Variants in SLC8A1 observed in about 807,000 individuals in gnomAD.
SLC8A1 encodes sodium/calcium exchanger 1.
A neutral mutation model predicts 68.3 loss-of-function variants in SLC8A1; 18 were observed. That is an observed-to-expected ratio of 0.26 (90% confidence interval 0.18 to 0.39). The LOEUF is 0.39. Among genes scored for constraint, SLC8A1 ranks in the 10% least tolerant of loss-of-function variants. The pLI, the probability that SLC8A1 is intolerant of heterozygous loss-of-function variation, is 1.00. For missense variants in SLC8A1, 985 were observed against 1,156.7 expected (o/e 0.85, Z 2.15); for synonymous variants, 475 against 415.5 (o/e 1.14, Z -1.74).
chr2:40,228,538 G>A (rs531540005), intron 2 of SLC8A1, among the ~76,000 whole-genome samples: 1 of 152,316 alleles, frequency 6.6e-6, no homozygotes, highest in South Asian at 2.1e-4. Flanking sequence ...AAAAAGCCCT[G>A]CTGTGGGACC....
chr2:40,365,475 C>T (rs991756474), intron 2 of SLC8A1, among the ~76,000 whole-genome samples: 17 of 152,036 alleles, frequency 1.1e-4, no homozygotes, highest in Admixed American at 5.9e-4. Context: ...TTTCACTTTT[C>T]ACCTAACAAT....
chr2:40,250,779 G>C (rs982251292), intron 2 of SLC8A1, among the ~76,000 whole-genome samples: 2 of 152,112 alleles, frequency 1.3e-5, no homozygotes, highest in African/African-American at 4.8e-5. Context: ...TGGGGTTTGG[G>C]GAAAGGCAAA....
intron 2 of SLC8A1, among the ~76,000 whole-genome samples, chr2:40,413,393 AC>A (rs1692796797): frequency 1.3e-5 from 2 of 152,204 alleles, no homozygotes; most frequent in African/African-American, 4.8e-5. Context: ...AAAATGTGGC[AC>A]ATATACACCA....
chr2:40,397,244 C>T (rs1350413728), intron 2 of SLC8A1, among the ~76,000 whole-genome samples: 2 of 152,154 alleles, frequency 1.3e-5, no homozygotes, highest in African/African-American at 4.8e-5. Flanking sequence ...CTGTCAGCTG[C>T]TAGTGTATAC....
intron 2 of SLC8A1, among the ~76,000 whole-genome samples, chr2:40,304,911 T>C (rs1004789207): frequency 5.3e-5 from 8 of 152,282 alleles, no homozygotes; most frequent in Admixed American, 3.9e-4. Context: ...TTTGAGAATC[T>C]TCCACCTACC....
intron 1 of SLC8A1, among the ~76,000 whole-genome samples, chr2:40,484,404 C>T (rs1238987522): frequency 6.6e-6 from 1 of 152,166 alleles, no homozygotes. Flanking sequence ...TTGTTTCTAC[C>T]CATGCTCCAA....
At chr2:40,494,239 C>G (rs1705526684) in intron 1 of SLC8A1, among the ~76,000 whole-genome samples, 1 of 152,012 alleles carries the variant, frequency 6.6e-6, no homozygotes, top group African/African-American at 2.4e-5. Flanking sequence ...CTCCTCAATC[C>G]AATAGCTTTT....
At chr2:40,458,004 G>A (rs1164641755) in intron 1 of SLC8A1, among the ~76,000 whole-genome samples, 1 of 152,142 alleles carries the variant, frequency 6.6e-6, no homozygotes, top group African/African-American at 2.4e-5. Flanking sequence ...TAGACATTCT[G>A]CCTCTATTGG....
At chr2:40,251,495 T>G (rs894809088) in intron 2 of SLC8A1, 4 of 152,164 alleles carry the variant, frequency 2.6e-5, no homozygotes, top group African/African-American at 9.7e-5. Flanking sequence ...CCCTGAGAGA[T>G]AAACCTGGCA....
chr2:40,243,150 C>T (rs1470952858), intron 2 of SLC8A1, among the ~76,000 whole-genome samples: 1 of 152,022 alleles, frequency 6.6e-6, no homozygotes, highest in Non-Finnish European at 1.5e-5. Context: ...TTAAGGAAAC[C>T]CCTAAATCTT....
chr2:40,174,484 G>A (rs1238297532), intron 4 of SLC8A1, among the ~76,000 whole-genome samples: 1 of 152,008 alleles, frequency 6.6e-6, no homozygotes, highest in African/African-American at 2.4e-5. Flanking sequence ...TTGTAAATTG[G>A]TCAGTGTCAA....
chr2:40,248,276 A>G (rs1400755978), intron 2 of SLC8A1, among the ~76,000 whole-genome samples: 1 of 142,652 alleles, frequency 7.0e-6, no homozygotes, highest in Non-Finnish European at 1.5e-5. Context: ...CTGAATGTTT[A>G]TGTTTTCCCA....
Position 40,304,470 on chromosome 2 carries a change from C to T in SLC8A1, c.1808+124003G>A, listed in dbSNP as rs72796674. Among the ~76,000 whole-genome samples, 377 of 152,270 alleles carry T rather than the reference C, an allele frequency of 2.5e-3. 1 individual carries two copies. The highest frequency in any genetic ancestry group is 8.4e-3 in the African/African-American group (350 of 41,550). On this transcript the variant is annotated intron_variant, in intron 2 of 7. Transcript: ENST00000406785. Reference sequence around the variant, plus strand: ...TGAGTAACTTGATTCTCCTAATGAACCTGAGCCACCCAGACGATGGAATGA... The same window carrying T: ...TGAGTAACTTGATTCTCCTAATGAATCTGAGCCACCCAGACGATGGAATGA...
exon 8 of SLC8A1, chr2:40,111,947 G>C (rs1234140629): frequency 6.6e-6 from 1 of 152,078 alleles, no homozygotes; most frequent in African/African-American, 2.4e-5. Flanking sequence ...GTCATACTAA[G>C]CAACGTAAAA....
At chr2:40,246,098 C>G (rs1345278516) in intron 2 of SLC8A1, among the ~76,000 whole-genome samples, 4 of 151,964 alleles carry the variant, frequency 2.6e-5, no homozygotes, top group Non-Finnish European at 5.9e-5. Context: ...GTTTTAATTC[C>G]TTTTTTTTCT....
intron 1 of SLC8A1, among the ~76,000 whole-genome samples, chr2:40,506,104 CTTTTTTT>C (rs34231209): frequency 7.6e-6 from 1 of 132,172 alleles, no homozygotes; most frequent in African/African-American, 2.7e-5. Context: ...TTCATAGATC[CTTTTTTT>C]TTTTTTTTTT....
At chr2:40,201,276 A>C (rs189865763) in intron 2 of SLC8A1, among the ~76,000 whole-genome samples, 1 of 151,932 alleles carries the variant, frequency 6.6e-6, no homozygotes, top group Non-Finnish European at 1.5e-5. Context: ...ATTTCTTGTG[A>C]CTTGTCAAAG....
upstream of SLC8A1, among the ~76,000 whole-genome samples, chr2:40,455,173 T>C (rs2149887354): frequency 6.6e-6 from 1 of 152,364 alleles, no homozygotes; most frequent in East Asian, 1.9e-4. Flanking sequence ...TCAGGGGATC[T>C]GTTAGCAAAC....
At chr2:40,152,962 G>C (rs1240523198) in intron 6 of SLC8A1, among the ~76,000 whole-genome samples, 5 of 151,998 alleles carry the variant, frequency 3.3e-5, no homozygotes, top group Non-Finnish European at 7.4e-5. Flanking sequence ...CAATGGAGGA[G>C]ACCCCATCTT....
Sources: allele counts gnomAD v4.1 joint callset (sites outside exome capture counted in the v4.1 genomes callset), GRCh38; gene constraint gnomAD v4.1.1; transcripts MANE v1.5; gene names NCBI Gene and HGNC (gene_info 2026-07-23, HGNC 2026-07-21).